The following PHIP variants were observed in gnomAD, a reference collection of about 807,000 sequenced individuals.
PHIP encodes PHIP subunit of CUL4-Ring ligase complex.
Under a neutral mutation model 236.8 loss-of-function variants are expected in PHIP, and 54 were observed. That is an observed-to-expected ratio of 0.23 (90% CI 0.18 to 0.29). The LOEUF (loss-of-function observed/expected upper bound fraction) is 0.29, where lower values mean the gene tolerates loss of function less well. PHIP is among the 10% of genes least tolerant of loss of function. PHIP has a pLI of 1.00. For synonymous variants in PHIP, 756 were observed against 718.9 expected, an observed-to-expected ratio of 1.05 and a Z score of -0.83; for missense variants, 1,370 against 2,190.8, an observed-to-expected ratio of 0.63 and a Z score of 7.48.
chr6:79,025,703 C>T, intron 8 of PHIP, 84 bp from the exon 9 acceptor site: 1 of 861,870 alleles, frequency 1.2e-6, no homozygotes, highest in Non-Finnish European at 1.9e-6. Context: ...CAAATAGCAA[C>T]TAACAACAAC....
At chr6:79,057,698 G>A (rs918892518) in intron 6 of PHIP, among the ~76,000 whole-genome samples, 4 of 151,986 alleles carry the variant, frequency 2.6e-5, no homozygotes, top group Non-Finnish European at 5.9e-5. Context: ...ACTTTTAAAG[G>A]TAGCCAGACA....
At chr6:79,077,187 A>C (rs1582334964) in intron 4 of PHIP, among the ~76,000 whole-genome samples, 1 of 151,896 alleles carries the variant, frequency 6.6e-6, no homozygotes, top group East Asian at 2.0e-4. Flanking sequence ...TGCACTGCAC[A>C]ACACTCATGA....
At chr6:78,948,499 A>AC (rs1187050540) in intron 35 of PHIP, among the ~76,000 whole-genome samples, 1 of 151,822 alleles carries the variant, frequency 6.6e-6, no homozygotes, top group Non-Finnish European at 1.5e-5. Flanking sequence ...AGAGTATTGT[A>AC]CCCCCCCTTT....
At chr6:79,075,312 G>A (rs1336335604) in intron 4 of PHIP, among the ~76,000 whole-genome samples, 3 of 152,068 alleles carry the variant, frequency 2.0e-5, no homozygotes, top group Non-Finnish European at 2.9e-5. Flanking sequence ...GCATCCAGTA[G>A]ATATAGAGTA....
chr6:79,066,600 C>T (rs1038715853), intron 4 of PHIP, among the ~76,000 whole-genome samples: 13 of 151,956 alleles, frequency 8.6e-5, no homozygotes, highest in Non-Finnish European at 1.9e-4. Context: ...TAAACTGAGC[C>T]AGAAAAAGAG....
At chr6:78,955,085 C>T in intron 34 of PHIP, 122 bp from the exon 35 acceptor site, 1 of 890,642 alleles carries the variant, frequency 1.1e-6, no homozygotes, top group South Asian at 2.0e-5. Flanking sequence ...AAATATTCAC[C>T]AAGTTCTAAA....
chr6:79,062,864 T>C (rs1773446676), intron 4 of PHIP, among the ~76,000 whole-genome samples: 1 of 152,206 alleles, frequency 6.6e-6, no homozygotes, highest in African/African-American at 2.4e-5. Flanking sequence ...CTCATTCTCC[T>C]TCATGTCTCA....
At chr6:78,942,484 AAAAAC>A (rs1012976452) in intron 39 of PHIP, among the ~76,000 whole-genome samples, 4 of 152,182 alleles carry the variant, frequency 2.6e-5, no homozygotes, top group African/African-American at 4.8e-5. Flanking sequence ...ACTCCATCTC[AAAAAC>A]AAAACAAAAC....
chr6:78,958,305 G>A (rs905028504), intron 32 of PHIP, 170 bp downstream of exon 32: 5 of 449,988 alleles, frequency 1.1e-5, no homozygotes, highest in African/African-American at 8.0e-5. Flanking sequence ...CTGAAACCCA[G>A]GATCAAACCA....
chr6:79,051,460 T>C (rs1772793089), intron 6 of PHIP, among the ~76,000 whole-genome samples: 2 of 152,158 alleles, frequency 1.3e-5, no homozygotes, highest in African/African-American at 4.8e-5. Context: ...CATGATAGCT[T>C]CTCTCTTCGC....
chr6:78,958,444 TATC>T, intron 32 of PHIP, 28 bp downstream of exon 32: 2 of 1,263,074 alleles, frequency 1.6e-6, no homozygotes, highest in Non-Finnish European at 2.3e-6. Context: ...TTATTAAAAC[TATC>T]ATAATTACAT....
At chr6:78,953,404 C>A (rs994076579) in intron 35 of PHIP, among the ~76,000 whole-genome samples, 4 of 152,194 alleles carry the variant, frequency 2.6e-5, no homozygotes, top group African/African-American at 7.2e-5. Context: ...CTGTGCAAAG[C>A]CCAGAATACA....
chr6:79,077,970 G>T, intron 1 of PHIP, 57 bp from the exon 2 acceptor site: 3 of 1,591,774 alleles, frequency 1.9e-6, no homozygotes, highest in Admixed American at 1.7e-5. Flanking sequence ...GCGGCGGGGG[G>T]CGGGGGACCG....
At chr6:79,029,740 G>C (rs1242281121) in intron 7 of PHIP, among the ~76,000 whole-genome samples, 3 of 152,140 alleles carry the variant, frequency 2.0e-5, no homozygotes, top group African/African-American at 7.2e-5. Context: ...CTGGTGACCA[G>C]GCTGGTCTCG....
chr6:79,028,268 G>T (rs1314681738), intron 7 of PHIP, among the ~76,000 whole-genome samples: 2 of 152,140 alleles, frequency 1.3e-5, no homozygotes, highest in Non-Finnish European at 2.9e-5. Flanking sequence ...TATCAAACAG[G>T]TGAGTATCAG....
chr6:79,016,418 A>G (rs1018180144), intron 13 of PHIP, 126 bp downstream of exon 13: 4 of 470,554 alleles, frequency 8.5e-6, no homozygotes, highest in Non-Finnish European at 1.5e-5. Context: ...TTGTACCTCT[A>G]GTTATCGCAG....
intron 4 of PHIP, among the ~76,000 whole-genome samples, chr6:79,065,374 C>T (rs1201048439): frequency 2.0e-5 from 3 of 152,154 alleles, no homozygotes; most frequent in African/African-American, 7.2e-5. Context: ...TCTTATTTTT[C>T]TAGCTTCACC....
intron 39 of PHIP, among the ~76,000 whole-genome samples, chr6:78,943,395 AT>A (rs2127679878): frequency 6.6e-6 from 1 of 152,292 alleles, no homozygotes; most frequent in South Asian, 2.1e-4. Context: ...GCTAGAACCA[AT>A]TCATCATATA....
At chr6:79,054,187 G>C (rs998691174) in intron 6 of PHIP, among the ~76,000 whole-genome samples, 1 of 150,768 alleles carries the variant, frequency 6.6e-6, no homozygotes, top group Admixed American at 6.6e-5. Context: ...AAAAAAAAGG[G>C]AGGAAATAGA....
Sources: allele counts gnomAD v4.1 joint callset (sites outside exome capture counted in the v4.1 genomes callset), GRCh38; gene constraint gnomAD v4.1.1; transcripts MANE v1.5; gene names NCBI Gene and HGNC (gene_info 2026-07-23, HGNC 2026-07-21).